ATAD5: variants seen among roughly 807,000 people sequenced by gnomAD.
The protein encoded by ATAD5 is ATPase family AAA domain containing 5, also known as ATPase family AAA domain-containing protein 5.
A neutral mutation model predicts 176.9 loss-of-function variants in ATAD5; 58 were observed. The ratio of observed to expected loss-of-function variants is 0.33; its 90% CI spans 0.27 to 0.41. The LOEUF (loss-of-function observed/expected upper bound fraction) is 0.41, where lower values mean the gene tolerates loss of function less well. Among genes scored for constraint, ATAD5 ranks in the 10% least tolerant of loss-of-function variants. The pLI is 1.00. For missense variants in ATAD5, 1,789 were observed against 2,094.1 expected (o/e 0.85, Z 2.84); for synonymous variants, 640 against 712.6 (o/e 0.90, Z 1.62).
intron 18 of ATAD5, among the ~76,000 whole-genome samples, chr17:30,883,822 T>C (rs1350946274): frequency 6.6e-6 from 1 of 152,196 alleles, no homozygotes; most frequent in Non-Finnish European, 1.5e-5. Context: ...GTGCTGGGAT[T>C]AGAGGTGTGA....
rs1905545607 is a variant in ATAD5 at position 30,834,087 on chromosome 17, A to C, written c.67-61A>C. 10 of 1,340,078 alleles carry C rather than the reference A, an allele frequency of 7.5e-6. 1 individual carries two copies. In the East Asian group the frequency reaches 2.5e-4, roughly 34 times the overall value. 83.0% of individuals were successfully genotyped at this position (1,340,078 alleles called of 1,614,324 possible). On this transcript the variant is annotated intron_variant, in intron 1 of 22. Coordinates refer to ENST00000321990, the MANE Select transcript of ATAD5 (RefSeq NM_024857.5). The stretch of plus-strand genomic sequence containing the variant: ...ATGTAAACTATTAGATCCATGTTTA[A>C]AATTTATATTTTGTATTATATTGCT...
At chr17:30,866,831 ACAAAC>A (rs754448783) in intron 11 of ATAD5, among the ~76,000 whole-genome samples, 5 of 152,262 alleles carry the variant, frequency 3.3e-5, no homozygotes, top group South Asian at 2.1e-4. Context: ...AAGCAAAAAA[ACAAAC>A]CAAACCAACT....
At chr17:30,878,718 G>GGTTTTTTTTT (rs1908812554) in intron 17 of ATAD5, among the ~76,000 whole-genome samples, 1 of 56,838 alleles carries the variant, frequency 1.8e-5, no homozygotes, top group African/African-American at 6.6e-5. Flanking sequence ...GTTAGGTGGT[G>GGTTTTTTTTT]TTTTTTTTTT....
At chr17:30,871,569 C>G (rs1224799096) in intron 14 of ATAD5, among the ~76,000 whole-genome samples, 14 of 152,142 alleles carry the variant, frequency 9.2e-5, no homozygotes, top group Admixed American at 6.6e-4. Flanking sequence ...AGGCTGGTCT[C>G]AAACTCCTGA....
chr17:30,868,271 AC>A, intron 11 of ATAD5, 61 bp from the exon 12 acceptor site: 1 of 1,337,474 alleles, frequency 7.5e-7, no homozygotes, highest in African/African-American at 1.5e-5. Context: ...AATCATTTTA[AC>A]ATAAAGTCTA....
chr17:30,834,121 G>T (rs773758623), intron 1 of ATAD5, 27 bp from the exon 2 acceptor site: 26 of 1,473,596 alleles, frequency 1.8e-5, no homozygotes, highest in Non-Finnish European at 2.2e-5. Flanking sequence ...CTTGAAATAA[G>T]TGCCTTTTTC....
rs115675831 is a variant in ATAD5 at position 30,832,646 on chromosome 17, G to A, written c.66+233G>A. On this transcript the variant is annotated intron_variant, in intron 1 of 22. Transcript: ENST00000321990. The stretch of plus-strand genomic sequence containing the variant: ...TATTTGCGGGGTCACAGTAAATTGG[G>A]GACTTAAGATAACACGGCCAGTTCC... Among the ~76,000 whole-genome samples the A allele has an allele frequency of 2.5e-3, 387 of 152,210 alleles. 2 individuals carry two copies. Among genetic ancestry groups the A allele is most frequent in the African/African-American group, 9.0e-3 (373 of 41,524 alleles).
intron 18 of ATAD5, among the ~76,000 whole-genome samples, chr17:30,886,780 A>T (rs961085673): frequency 2.0e-5 from 3 of 152,132 alleles, no homozygotes; most frequent in Non-Finnish European, 4.4e-5. Context: ...TTATGCACTA[A>T]TTAGTGCAAT....
At chr17:30,890,397 C>T (rs562847984) in intron 19 of ATAD5, among the ~76,000 whole-genome samples, 15 of 148,564 alleles carry the variant, frequency 1.0e-4, no homozygotes, top group South Asian at 2.1e-4. Flanking sequence ...AAAATAAGTA[C>T]AGCATAATTT....
Position 30,859,808 on chromosome 17 carries a change from C to T in ATAD5, c.2957-625C>T, listed in dbSNP as rs1907509140. Among the ~76,000 whole-genome samples the T allele has an allele frequency of 2.7e-5, 4 of 147,014 alleles. No individual in the cohort carries two copies. The South Asian group carries it at 9.5e-4, about 35-fold the overall frequency. On this transcript the variant is annotated intron_variant, in intron 9 of 22. Coordinates refer to ENST00000321990, the MANE Select transcript of ATAD5 (RefSeq NM_024857.5). Reference sequence around the variant, plus strand: ...GTGTGATCTCGGCTCACTGCAGCCTCAGCCTTCTAGGTTCCACCGATTCTC... The same window carrying T: ...GTGTGATCTCGGCTCACTGCAGCCTTAGCCTTCTAGGTTCCACCGATTCTC...
chr17:30,872,505 T>C (rs150912379), intron 14 of ATAD5, among the ~76,000 whole-genome samples: 76 of 152,078 alleles, frequency 5.0e-4, no homozygotes, highest in African/African-American at 1.4e-3. Context: ...CCCACATCTC[T>C]GTCTGCTTGG....
At chr17:30,863,224 A>G (rs1229516611) in intron 10 of ATAD5, among the ~76,000 whole-genome samples, 1 of 152,056 alleles carries the variant, frequency 6.6e-6, no homozygotes, top group Non-Finnish European at 1.5e-5. Flanking sequence ...ACCTCTGGTC[A>G]TAGTCAAAAT....
Position 30,895,096 on chromosome 17 carries a change from G to GT in ATAD5, c.*184dup, listed in dbSNP as rs1468218824. The GT allele has an allele frequency of 2.2e-6, 1 of 445,510 alleles. No individual in the cohort carries two copies. Among genetic ancestry groups the GT allele is most frequent in the East Asian group, 3.9e-5 (1 of 25,912 alleles). The allele number at this position is 445,510 out of a possible 1,614,324, so 27.6% of individuals were successfully genotyped here. On this transcript the variant is annotated 3_prime_UTR_variant, in exon 23 of 23. Transcript: ENST00000321990. ...TGAGTTACAAATTTTATATATGATT[G>GT]TAATTTTTTTTCTGAATTTTTTGTA...
intron 4 of ATAD5, among the ~76,000 whole-genome samples, chr17:30,843,518 C>T (rs755108497): frequency 6.6e-6 from 1 of 151,820 alleles, no homozygotes; most frequent in Admixed American, 6.6e-5. Flanking sequence ...GGCGTGGTGG[C>T]GCGCACCTCC....
intron 18 of ATAD5, among the ~76,000 whole-genome samples, chr17:30,886,591 G>C (rs1276783043): frequency 2.6e-5 from 4 of 151,602 alleles, no homozygotes. Flanking sequence ...CCTGACCTCA[G>C]GTGATCCCCT....
chr17:30,839,526 C>T (rs1272037658), intron 3 of ATAD5, among the ~76,000 whole-genome samples: 3 of 150,462 alleles, frequency 2.0e-5, no homozygotes, highest in African/African-American at 2.5e-5. Flanking sequence ...CTGCCCACCT[C>T]GGCCTCCCAA....
chr17:30,834,806 C>G lies in ATAD5; in HGVS notation c.725C>G (p.Thr242Ser). The change falls in exon 2 of 23, where the codon ACT becomes AGT. Residue 242 changes from threonine (T) to serine (S), a missense_variant. Physicochemically the swap from Thr to Ser is moderately conservative, Grantham distance 58 (BLOSUM62 1). This residue lies in a region of ATAD5 where 696 missense variants were observed against 712.5 expected (regional missense o/e 0.98). Transcript: ENST00000321990. ...DGKDTKQMEN[T>S]TSHANSRDNV... ...AAAGATACTAAACAGATGGAGAATA[C>G]TACAAGCCATGCAAACTCTAGAGAT... is the stretch of plus-strand genomic sequence containing the variant. 6.2e-7 allele frequency: 1 copy of G among 1,613,992 alleles called. No individual in the cohort carries two copies. The highest frequency in any genetic ancestry group is 1.1e-5 in the South Asian group (1 of 91,028).
rs142678113 is a variant in ATAD5, at chr17:30,860,127, G to A, written c.2957-306G>A. Among the ~76,000 whole-genome samples, 1,013 of 152,196 alleles carry A rather than the reference G, an allele frequency of 6.7e-3. 4 individuals are homozygous for A. The highest frequency in any genetic ancestry group is 0.031 in the Middle Eastern group (9 of 294). On this transcript the variant is annotated intron_variant, in intron 9 of 22. Transcript: ENST00000321990. ...CAGCCTCGATCTCCCGGGTTCATGTGATCCTCCCACCTCAGCCTCCCAAGT... is the reference window on the plus strand; with the variant it reads ...CAGCCTCGATCTCCCGGGTTCATGTAATCCTCCCACCTCAGCCTCCCAAGT...
intron 20 of ATAD5, 107 bp from the exon 21 acceptor site, chr17:30,893,187 C>T: frequency 3.3e-6 from 4 of 1,196,084 alleles, no homozygotes; most frequent in Non-Finnish European, 3.4e-6. Flanking sequence ...GGGGTAGTGA[C>T]TCAGTACTTT....
Sources: gnomAD v4.1 joint callset for allele counts (sites outside exome capture counted in the v4.1 genomes callset) on GRCh38, gnomAD v4.1.1 for gene constraint, gnomAD v4.1.1 regional missense constraint, MANE v1.5 for transcripts, NCBI Gene and HGNC (gene_info 2026-07-23, HGNC 2026-07-21) for gene names.